The following SORBS2 variants were observed in gnomAD, a reference collection of about 807,000 sequenced individuals.
SORBS2 encodes sorbin and SH3 domain containing 2, also known as sorbin and SH3 domain-containing protein 2.
SORBS2 carries 46 observed loss-of-function variants against 97.7 expected under a neutral mutation model. The observed-to-expected ratio is 0.47, with a 90% CI of 0.37 to 0.60. The LOEUF (loss-of-function observed/expected upper bound fraction) is 0.60, where lower values mean the gene tolerates loss of function less well. SORBS2 is among the 20% of genes least tolerant of loss of function. The probability of loss-of-function intolerance (pLI) is 0.00; values close to 1 mark genes in which losing one functional copy is unlikely to be tolerated. For missense variants in SORBS2, 1,316 were observed against 1,282.3 expected, an observed-to-expected ratio of 1.03 and a Z score of -0.40; for synonymous variants, 476 against 473.4, an observed-to-expected ratio of 1.01 and a Z score of -0.07.
At chr4:185,880,491 G>A (rs1370071168) in intron 1 of SORBS2, among the ~76,000 whole-genome samples, 2 of 152,022 alleles carry the variant, frequency 1.3e-5, no homozygotes, top group Non-Finnish European at 2.9e-5. Flanking sequence ...ATGGTGTCTT[G>A]GAAAAAACAG....
At chr4:185,907,332 C>G (rs1389107774) in intron 1 of SORBS2, among the ~76,000 whole-genome samples, 2 of 152,080 alleles carry the variant, frequency 1.3e-5, no homozygotes, top group Non-Finnish European at 2.9e-5. Flanking sequence ...ATAATGTTAG[C>G]TTTTATAGTA....
intron 14 of SORBS2, chr4:185,587,894 C>T: frequency 1.9e-6 from 1 of 514,486 alleles, no homozygotes; most frequent in South Asian, 2.5e-5. Flanking sequence ...GCCCCTCCGG[C>T]ATAAATGCTG....
intron 1 of SORBS2, among the ~76,000 whole-genome samples, chr4:185,916,024 C>G (rs2099257969): frequency 6.6e-6 from 1 of 152,090 alleles, no homozygotes; most frequent in African/African-American, 2.4e-5. Flanking sequence ...AGGAAGAAAG[C>G]AGAGAGGGAA....
At chr4:185,677,969 T>C (rs559224596) in intron 4 of SORBS2, among the ~76,000 whole-genome samples, 1 of 151,782 alleles carries the variant, frequency 6.6e-6, no homozygotes, top group African/African-American at 2.4e-5. Flanking sequence ...GACTTTGACA[T>C]ATATATATAT....
At chr4:185,740,981 A>C (rs1202657306) in intron 2 of SORBS2, among the ~76,000 whole-genome samples, 2 of 150,472 alleles carry the variant, frequency 1.3e-5, no homozygotes, top group African/African-American at 4.9e-5. Flanking sequence ...ACGAACTCAA[A>C]CCAGCACTAA....
chr4:185,732,178 A>G (rs1216774934), intron 2 of SORBS2, among the ~76,000 whole-genome samples: 1 of 152,010 alleles, frequency 6.6e-6, no homozygotes, highest in African/African-American at 2.4e-5. Flanking sequence ...AATTATGTGC[A>G]TGAGAATAAG....
chr4:185,621,910 T>C (rs572855111), intron 7 of SORBS2, among the ~76,000 whole-genome samples: 1 of 152,354 alleles, frequency 6.6e-6, no homozygotes, highest in East Asian at 1.9e-4. Flanking sequence ...ACCCATTTCA[T>C]AGGCCTATGC....
intron 12 of SORBS2, among the ~76,000 whole-genome samples, chr4:185,604,228 A>G (rs1429366650): frequency 1.3e-5 from 2 of 152,262 alleles, no homozygotes; most frequent in African/African-American, 4.8e-5. Flanking sequence ...AAAAGTTAGC[A>G]ATCAGTATTT....
At chr4:185,818,220 C>T (rs942659897) in intron 1 of SORBS2, among the ~76,000 whole-genome samples, 4 of 152,152 alleles carry the variant, frequency 2.6e-5, no homozygotes, top group African/African-American at 7.2e-5. Flanking sequence ...GATGGAGTCT[C>T]GCTCTGTCGT....
intron 1 of SORBS2, 123 bp from the exon 10 acceptor site, chr4:185,652,851 G>T: frequency 1.3e-6 from 1 of 760,894 alleles, no homozygotes; most frequent in Non-Finnish European, 2.3e-6. Flanking sequence ...AAAATGTTCT[G>T]ACTCTTTGCT....
chr4:185,714,527 A>T (rs1230899607), intron 2 of SORBS2, among the ~76,000 whole-genome samples: 1 of 152,200 alleles, frequency 6.6e-6, no homozygotes, highest in Non-Finnish European at 1.5e-5. Flanking sequence ...CACAACAGCA[A>T]TTAGGTATAC....
intron 2 of SORBS2, among the ~76,000 whole-genome samples, chr4:185,731,866 C>CTCTCTCTA (rs1286500642): frequency 4.1e-4 from 10 of 24,684 alleles, no homozygotes; most frequent in Admixed American, 6.7e-4. Flanking sequence ...CTCTCTCTCT[C>CTCTCTCTA]TATATATATA....
intron 4 of SORBS2, among the ~76,000 whole-genome samples, chr4:185,673,965 T>G (rs1474959598): frequency 2.6e-5 from 4 of 152,166 alleles, no homozygotes; most frequent in Non-Finnish European, 5.9e-5. Context: ...CTGCTTTCAG[T>G]CTCCTCCACT....
At chr4:185,590,635 G>A (rs181803030) in intron 13 of SORBS2, among the ~76,000 whole-genome samples, 8 of 151,998 alleles carry the variant, frequency 5.3e-5, no homozygotes, top group Non-Finnish European at 8.8e-5. Flanking sequence ...TTCCTTTCCC[G>A]GCCTGAATTC....
chr4:185,684,031 C>A lies in SORBS2; in HGVS notation c.-197-5209G>T, dbSNP rs1203291951. ...CCAGCCAACCAACCAACCAACCCAC[C>A]AACCAACCCATCACCAACAGGTGTG... On this transcript the variant is annotated intron_variant, in intron 2 of 20. Coordinates refer to the SORBS2 transcript ENST00000284776. The surrounding 1 kb of genome is among the most constrained non-coding windows in gnomAD (Gnocchi z 4.2). Among the ~76,000 whole-genome samples, 1 of 152,006 alleles carries A rather than the reference C, an allele frequency of 6.6e-6. No homozygotes were observed. The highest frequency in any genetic ancestry group is 1.9e-4 in the East Asian group (1 of 5,162).
chr4:185,878,309 CAT>C (rs2099234820), intron 1 of SORBS2, among the ~76,000 whole-genome samples: 2 of 152,146 alleles, frequency 1.3e-5, no homozygotes, highest in African/African-American at 4.8e-5. Context: ...AAAAGCAATA[CAT>C]TTTGTACAAT....
chr4:185,788,011 T>C (rs2099064055), intron 1 of SORBS2, among the ~76,000 whole-genome samples: 1 of 152,208 alleles, frequency 6.6e-6, no homozygotes, highest in African/African-American at 2.4e-5. Context: ...TGACATCACA[T>C]GGCGCAGGCA....
At chr4:185,784,621 T>C (rs1013891191) in intron 1 of SORBS2, among the ~76,000 whole-genome samples, 3 of 152,190 alleles carry the variant, frequency 2.0e-5, no homozygotes, top group Non-Finnish European at 4.4e-5. Flanking sequence ...AATGACTGTA[T>C]TGAGGTCATC....
intron 1 of SORBS2, among the ~76,000 whole-genome samples, chr4:185,910,263 G>A (rs989018365): frequency 2.0e-5 from 3 of 152,148 alleles, no homozygotes; most frequent in Non-Finnish European, 4.4e-5. Flanking sequence ...TCCCACTGAC[G>A]AGAAGGGCCT....
Sources: gnomAD v4.1 joint callset for allele counts (sites outside exome capture counted in the v4.1 genomes callset) on GRCh38, gnomAD v4.1.1 for gene constraint, Gnocchi (gnomAD v3.1) non-coding constraint, MANE v1.5 for transcripts, NCBI Gene and HGNC (gene_info 2026-07-23, HGNC 2026-07-21) for gene names.